The following TMEFF1 variants were observed in gnomAD, a reference collection of about 807,000 sequenced individuals.
TMEFF1 encodes the protein tomoregulin-1.
TMEFF1 carries 20 observed loss-of-function variants against 47.5 expected under a neutral mutation model. The ratio of observed to expected loss-of-function variants is 0.42; its 90% CI spans 0.30 to 0.61. The LOEUF (loss-of-function observed/expected upper bound fraction) is 0.61, where lower values mean the gene tolerates loss of function less well. Ranked by LOEUF, TMEFF1 falls within the 20% of genes least tolerant of loss-of-function variation. The pLI, the probability that TMEFF1 is intolerant of heterozygous loss-of-function variation, is 0.19. For synonymous variants in TMEFF1, 162 were observed against 166.3 expected (o/e 0.97, Z 0.20); for missense variants, 411 against 471.1 (o/e 0.87, Z 1.18).
At chr9:100,554,172 G>A (rs754832230) in intron 7 of TMEFF1, among the ~76,000 whole-genome samples, 7 of 152,172 alleles carry the variant, frequency 4.6e-5, no homozygotes, top group Non-Finnish European at 8.8e-5. Flanking sequence ...CTGAGATAGC[G>A]AGATAGTGAT....
intron 7 of TMEFF1, among the ~76,000 whole-genome samples, chr9:100,555,370 G>C (rs541592181): frequency 7.9e-4 from 120 of 152,242 alleles, no homozygotes; most frequent in Middle Eastern, 3.4e-3. Flanking sequence ...ATCTTTTGAG[G>C]CTTTTTATCT....
chr9:100,474,217 G>T (rs1837177622), intron 1 of TMEFF1, among the ~76,000 whole-genome samples: 1 of 151,418 alleles, frequency 6.6e-6, no homozygotes, highest in African/African-American at 2.4e-5. Context: ...GTGCTGATGT[G>T]CTGGGGAGAT....
At chr9:100,494,327 A>G (rs1013497569) in intron 1 of TMEFF1, among the ~76,000 whole-genome samples, 10 of 152,164 alleles carry the variant, frequency 6.6e-5, no homozygotes, top group African/African-American at 2.4e-4. Flanking sequence ...CATTGCTTAG[A>G]AATATTTATC....
intron 4 of TMEFF1, among the ~76,000 whole-genome samples, chr9:100,515,249 C>T (rs1037135294): frequency 1.3e-5 from 2 of 151,966 alleles, no homozygotes; most frequent in Non-Finnish European, 2.9e-5. Flanking sequence ...AAGTGGTTTG[C>T]CCCAGTTAAT....
Position 100,484,486 on chromosome 9 carries a change from T to G in TMEFF1, c.196+10746T>G, listed in dbSNP as rs536485558. On this transcript the variant is annotated intron_variant, in intron 1 of 9. Coordinates refer to ENST00000374879, the MANE Select transcript of TMEFF1 (RefSeq NM_003692.5). The stretch of plus-strand genomic sequence containing the variant: ...AGCGCCCGCCACCATGCCTGGCTAA[T>G]TTTTTTGTTTTTAGTAGAGGCGGGG... 2.6e-5 allele frequency among the ~76,000 whole-genome samples: 4 copies of G among 152,134 alleles called. No individual in the cohort carries two copies. In the East Asian group the frequency reaches 5.8e-4, roughly 22 times the overall value.
intron 7 of TMEFF1, among the ~76,000 whole-genome samples, chr9:100,553,947 C>T (rs1221372327): frequency 6.6e-6 from 1 of 152,182 alleles, no homozygotes; most frequent in African/African-American, 2.4e-5. Flanking sequence ...TCCACCTGCA[C>T]AGGAAGTTTC....
chr9:100,484,202 T>C (rs1369122504), intron 1 of TMEFF1, among the ~76,000 whole-genome samples: 3 of 152,220 alleles, frequency 2.0e-5, no homozygotes, highest in Non-Finnish European at 4.4e-5. Context: ...TTAAATTAAG[T>C]AATTGATATC....
In TMEFF1 at chr9:100,531,972, G is replaced by GA. The variant is rs1279024301; in HGVS notation, c.560+15206dup. Among the ~76,000 whole-genome samples, 18 of 150,132 alleles carry GA rather than the reference G, an allele frequency of 1.2e-4. No individual in the cohort carries two copies. The East Asian group carries it at 3.3e-3, about 28-fold the overall frequency. Reference sequence around the variant, plus strand: ...ACTATCTGATCTTTGACAAACCTGAGAAAAACAAGCAATGGGGAAAGGATT... The same window carrying GA: ...ACTATCTGATCTTTGACAAACCTGAGAAAAAACAAGCAATGGGGAAAGGATT... On this transcript the variant is annotated intron_variant, in intron 5 of 9. Coordinates refer to ENST00000374879, the MANE Select transcript of TMEFF1 (RefSeq NM_003692.5).
chr9:100,488,512 C>T (rs1204875481), intron 1 of TMEFF1, among the ~76,000 whole-genome samples: 3 of 152,200 alleles, frequency 2.0e-5, no homozygotes, highest in Non-Finnish European at 4.4e-5. Context: ...CCACTATGTA[C>T]TTCCACAGTT....
intron 3 of TMEFF1, among the ~76,000 whole-genome samples, chr9:100,511,405 A>C (rs1381144588): frequency 1.3e-5 from 2 of 152,184 alleles, no homozygotes; most frequent in African/African-American, 4.8e-5. Context: ...TGGACAAATC[A>C]CTAAGCCTCT....
intron 1 of TMEFF1, among the ~76,000 whole-genome samples, chr9:100,489,689 T>C (rs1179778660): frequency 6.6e-6 from 1 of 152,034 alleles, no homozygotes; most frequent in African/African-American, 2.4e-5. Context: ...TTAAAAAAAG[T>C]TTGTGTTACA....
chr9:100,557,647 C>T (rs1234542878), intron 7 of TMEFF1, among the ~76,000 whole-genome samples: 1 of 152,158 alleles, frequency 6.6e-6, no homozygotes. Context: ...AATCCTTTAG[C>T]CTACAGTGAA....
Position 100,561,404 on chromosome 9 carries a change from T to C in TMEFF1, c.783T>C (p.Ser261=), listed in dbSNP as rs1839011725. 1 of 1,612,644 alleles carries C rather than the reference T, an allele frequency of 6.2e-7. No homozygotes were observed. Among genetic ancestry groups the C allele is most frequent in the South Asian group, 1.1e-5 (1 of 90,732 alleles). The change falls in exon 8 of 10, where the codon AGT becomes AGC. Residue 261 remains serine, a synonymous_variant. Transcript: ENST00000374879. ...GGTTTATGTTCTTTTAAGATGCTAGTGATCAAAGAGAAGATGTTTATATTG... is the reference window on the plus strand; with the variant it reads ...GGTTTATGTTCTTTTAAGATGCTAGCGATCAAAGAGAAGATGTTTATATTG... ...LQYRPDVKDA[S]DQREDVYIGN...
At chr9:100,566,455 T>G (rs1839126646) in intron 8 of TMEFF1, among the ~76,000 whole-genome samples, 1 of 152,192 alleles carries the variant, frequency 6.6e-6, no homozygotes, top group African/African-American at 2.4e-5. Context: ...TCTCAGTTGA[T>G]TCCAACTCCA....
chr9:100,512,931 A>G (rs1268158447), intron 3 of TMEFF1, among the ~76,000 whole-genome samples: 1 of 151,918 alleles, frequency 6.6e-6, no homozygotes, highest in Non-Finnish European at 1.5e-5. Context: ...AAAGCAGCTT[A>G]TTCATTATTT....
chr9:100,533,619 G>A (rs1320651008), intron 5 of TMEFF1, among the ~76,000 whole-genome samples: 1 of 151,398 alleles, frequency 6.6e-6, no homozygotes, highest in African/African-American at 2.4e-5. Context: ...AATTTCTGTT[G>A]TTATATATTT....
intron 5 of TMEFF1, among the ~76,000 whole-genome samples, chr9:100,534,213 T>C (rs1360030699): frequency 6.6e-6 from 1 of 152,216 alleles, no homozygotes; most frequent in Non-Finnish European, 1.5e-5. Flanking sequence ...TGCCTTTTCA[T>C]GTGGTACTTT....
intron 4 of TMEFF1, among the ~76,000 whole-genome samples, chr9:100,515,601 C>T (rs899300081): frequency 1.3e-5 from 2 of 152,010 alleles, no homozygotes; most frequent in Non-Finnish European, 2.9e-5. Context: ...GCCTGGCCAA[C>T]ATAGTGAAAC....
At chr9:100,550,286 C>A in intron 7 of TMEFF1, 126 bp downstream of exon 7, 2 of 786,470 alleles carry the variant, frequency 2.5e-6, no homozygotes, top group Non-Finnish European at 1.8e-6. Flanking sequence ...ATACCTAACA[C>A]AGTTAATTAT....
Sources: allele counts gnomAD v4.1 joint callset (sites outside exome capture counted in the v4.1 genomes callset), GRCh38; gene constraint gnomAD v4.1.1; transcripts MANE v1.5; gene names NCBI Gene and HGNC (gene_info 2026-07-23, HGNC 2026-07-21).